Variants in TGFBR1 observed in about 807,000 individuals in gnomAD.
TGFBR1 encodes TGF-beta receptor type-1.
TGFBR1 carries 20 observed loss-of-function variants against 55.1 expected under a neutral mutation model. The observed-to-expected ratio is 0.36, with a 90% CI of 0.26 to 0.53. The LOEUF (loss-of-function observed/expected upper bound fraction) is 0.53, where lower values mean the gene tolerates loss of function less well. TGFBR1 is among the 20% of genes least tolerant of loss of function. The pLI, the probability that TGFBR1 is intolerant of heterozygous loss-of-function variation, is 0.91. For synonymous variants in TGFBR1, 220 were observed against 214.8 expected, an observed-to-expected ratio of 1.02 and a Z score of -0.21; for missense variants, 385 against 617.6, an observed-to-expected ratio of 0.62 and a Z score of 3.99.
At position 99,149,525 on chromosome 9, in the gene TGFBR1, A is replaced by T; in HGVS notation, c.*220A>T. On this transcript the variant is annotated 3_prime_UTR_variant, in exon 9 of 9. Coordinates refer to ENST00000374994, the MANE Select transcript of TGFBR1 (RefSeq NM_004612.4). ...GCACTATGAACGCTTCTTTCCCAGG[A>T]CAGAAAATGTGTAGTCTACCTTTAT... The T allele has an allele frequency of 1.9e-6, 1 of 540,394 alleles. No homozygotes were observed. The highest frequency in any genetic ancestry group is 3.3e-6 in the Non-Finnish European group (1 of 304,672). The allele number at this position is 540,394 out of a possible 1,614,324, so 33.5% of individuals were successfully genotyped here.
chr9:99,132,600 C>G lies in TGFBR1; in HGVS notation c.435C>G (p.Val145=), dbSNP rs894059435. 4 of 1,613,980 alleles carry G rather than the reference C, an allele frequency of 2.5e-6. No homozygotes were observed. In the African/African-American group the frequency reaches 4.0e-5, roughly 16 times the overall value. Residue 145 remains valine (V), a synonymous_variant, in exon 3 of 9, where the codon GTC becomes GTG. Transcript: ENST00000374994. ...CFVCISLMLM[V]YICHNRTVIH... Reference sequence around the variant, plus strand: ...TCTGCATCTCACTCATGTTGATGGTCTATATCTGCCACAACCGCACTGTCA... The same window carrying G: ...TCTGCATCTCACTCATGTTGATGGTGTATATCTGCCACAACCGCACTGTCA...
At chr9:99,117,148 C>T (rs112180660) in intron 1 of TGFBR1, among the ~76,000 whole-genome samples, 5,484 of 152,124 alleles carry the variant, frequency 0.036, 352 homozygotes, top group African/African-American at 0.13. Flanking sequence ...AATGCAGTGG[C>T]GCGATCTTGG....
At position 99,147,922 on chromosome 9, in the gene TGFBR1, A is replaced by C. The variant is rs1827852479; in HGVS notation, c.1386+138A>C. 3 of 1,060,338 alleles carry C rather than the reference A, an allele frequency of 2.8e-6. No individual in the cohort carries two copies. In the East Asian group the frequency reaches 7.8e-5, roughly 27 times the overall value. The allele number at this position is 1,060,338 out of a possible 1,614,324, so 65.7% of individuals were successfully genotyped here. ...AGCAGTCAAACCAATGTTTAAAAAC[A>C]GAATAATTTGGTTTTCATATTCAAT... On this transcript the variant is annotated intron_variant, in intron 8 of 8. Coordinates refer to ENST00000374994, the MANE Select transcript of TGFBR1 (RefSeq NM_004612.4).
At chr9:99,131,525 C>T (rs1441308881) in intron 2 of TGFBR1, among the ~76,000 whole-genome samples, 2 of 151,920 alleles carry the variant, frequency 1.3e-5, no homozygotes, top group Non-Finnish European at 2.9e-5. Flanking sequence ...TTGTAATTTT[C>T]TGAAACAACC....
chr9:99,147,875 C>T, intron 8 of TGFBR1, 91 bp downstream of exon 8: 1 of 1,265,448 alleles, frequency 7.9e-7, no homozygotes, highest in Non-Finnish European at 1.1e-6. Context: ...GAAAACTTTT[C>T]TTTAAGAATT....
chr9:99,126,132 G>C (rs1181130893), intron 1 of TGFBR1, among the ~76,000 whole-genome samples: 1 of 152,148 alleles, frequency 6.6e-6, no homozygotes, highest in Non-Finnish European at 1.5e-5. Context: ...AAGAAGATAG[G>C]TTTAAACTAG....
rs1047992754 is a variant in TGFBR1, at chr9:99,149,478, C to T, written c.*173C>T. 1.8e-5 allele frequency: 15 copies of T among 811,924 alleles called. No homozygotes were observed. The highest frequency in any genetic ancestry group is 1.6e-4 in the Admixed American group (7 of 44,752). 50.3% of individuals were successfully genotyped at this position (811,924 alleles called of 1,614,324 possible). On this transcript the variant is annotated 3_prime_UTR_variant, in exon 9 of 9. Coordinates refer to ENST00000374994, the MANE Select transcript of TGFBR1 (RefSeq NM_004612.4). ...CCAGGATTTCTTTGGACCCAGGAAA[C>T]AGCCATGTGGGTCCTTTCTGTGCAC...
chr9:99,134,805 TATATATATATATA>T (rs1564157142), intron 3 of TGFBR1, among the ~76,000 whole-genome samples: 2,730 of 31,782 alleles, frequency 0.086, 165 homozygotes, highest in African/African-American at 0.18. Flanking sequence ...GTTTCCATTA[TATATATATATATA>T]TATATATATA....
intron 5 of TGFBR1, among the ~76,000 whole-genome samples, chr9:99,144,240 A>G (rs1364509758): frequency 6.6e-6 from 1 of 152,222 alleles, no homozygotes; most frequent in Non-Finnish European, 1.5e-5. Context: ...TGCCTGAACC[A>G]TTTTACATTC....
chr9:99,111,941 TCTGC>T (rs767696736), intron 1 of TGFBR1, among the ~76,000 whole-genome samples: 11 of 152,158 alleles, frequency 7.2e-5, no homozygotes, highest in Non-Finnish European at 1.3e-4. Context: ...ACTTGATCTC[TCTGC>T]CTTGCAGGAG....
At chr9:99,129,228 T>G (rs1008554707) in intron 2 of TGFBR1, 128 bp downstream of exon 2, 1 of 1,055,620 alleles carries the variant, frequency 9.5e-7, no homozygotes, top group Admixed American at 2.1e-5. Flanking sequence ...AAGAAGTGAC[T>G]TGTCCATTGT....
intron 1 of TGFBR1, among the ~76,000 whole-genome samples, chr9:99,117,168 A>G (rs1461744719): frequency 1.3e-5 from 2 of 151,790 alleles, no homozygotes; most frequent in African/African-American, 2.4e-5. Context: ...GCTCACTGCA[A>G]CCTCTGCCTC....
chr9:99,121,465 A>AGTGT (rs1826897843), intron 1 of TGFBR1, among the ~76,000 whole-genome samples: 1 of 152,190 alleles, frequency 6.6e-6, no homozygotes, highest in Non-Finnish European at 1.5e-5. Context: ...AAAAGAGGAC[A>AGTGT]CGTCTCCTTG....
chr9:99,139,866 G>A (rs1462924822), intron 4 of TGFBR1, among the ~76,000 whole-genome samples: 6 of 152,010 alleles, frequency 3.9e-5, no homozygotes, highest in African/African-American at 1.4e-4. Context: ...TGAAGAAATT[G>A]GATTGTTTAT....
At chr9:99,111,203 G>A (rs1826560694) in intron 1 of TGFBR1, among the ~76,000 whole-genome samples, 1 of 143,468 alleles carries the variant, frequency 7.0e-6, no homozygotes. Context: ...TCTTCTAAAA[G>A]TTACATAAGC....
At chr9:99,121,303 C>T (rs1304185335) in intron 1 of TGFBR1, among the ~76,000 whole-genome samples, 1 of 152,122 alleles carries the variant, frequency 6.6e-6, no homozygotes, top group African/African-American at 2.4e-5. Context: ...TTGAGAAGAA[C>T]TGAGTATTTT....
intron 5 of TGFBR1, among the ~76,000 whole-genome samples, chr9:99,144,019 A>G (rs147111819): frequency 3.9e-4 from 59 of 152,276 alleles, no homozygotes; most frequent in African/African-American, 1.3e-3. Context: ...CAGTGTATGG[A>G]TATGGCATAT....
chr9:99,148,253 G>A (rs1030923819), intron 8 of TGFBR1, among the ~76,000 whole-genome samples: 1 of 152,120 alleles, frequency 6.6e-6, no homozygotes, highest in East Asian at 1.9e-4. Flanking sequence ...ATGATTTTCC[G>A]TTTTATTCAT....
chr9:99,116,477 T>C (rs1826746029), intron 1 of TGFBR1, among the ~76,000 whole-genome samples: 2 of 152,180 alleles, frequency 1.3e-5, no homozygotes, highest in South Asian at 4.1e-4. Flanking sequence ...AAGGAAAATC[T>C]TATGGAAGAA....
Sources: allele counts gnomAD v4.1 joint callset (sites outside exome capture counted in the v4.1 genomes callset), GRCh38; gene constraint gnomAD v4.1.1; transcripts MANE v1.5; gene names NCBI Gene and HGNC (gene_info 2026-07-23, HGNC 2026-07-21).